MRPL58: variants seen among roughly 807,000 people sequenced by gnomAD.
The protein encoded by MRPL58 is large ribosomal subunit protein mL62.
A neutral mutation model predicts 26.0 loss-of-function variants in MRPL58; 17 were observed. The ratio of observed to expected loss-of-function variants is 0.65; its 90% confidence interval spans 0.45 to 0.98. MRPL58 has a LOEUF of 0.98. MRPL58 is among the 50% of genes least tolerant of loss of function. The pLI, the probability that MRPL58 is intolerant of heterozygous loss-of-function variation, is 0.00. For missense variants in MRPL58, 250 were observed against 269.0 expected, an observed-to-expected ratio of 0.93 and a Z score of 0.49; for synonymous variants, 100 against 99.7, an observed-to-expected ratio of 1.00 and a Z score of -0.02.
rs2040014824 is a variant in MRPL58 at position 75,021,085 on chromosome 17, T to C, written c.*80T>C. On this transcript the variant is annotated 3_prime_UTR_variant, in exon 6 of 6. Transcript: ENST00000301585. ...AGAGGACTTTCACACCATAAGGAGA[T>C]TTCTGTTTTTCTTTTTGGCTGTTAA... The C allele has an allele frequency of 3.4e-6, 3 of 887,280 alleles. No homozygotes were observed. In the Admixed American group the frequency reaches 6.2e-5, roughly 18 times the overall value. The allele number at this position is 887,280 out of a possible 1,614,324, so 55.0% of individuals were successfully genotyped here.
chr17:75,015,543 GAA>G (rs1454011979), intron 1 of MRPL58, among the ~76,000 whole-genome samples: 1 of 152,160 alleles, frequency 6.6e-6, no homozygotes, highest in Non-Finnish European at 1.5e-5. Context: ...TCTAGAGAAA[GAA>G]AGAGGAGAGA....
chr17:75,017,032 AC>A (rs566569755), intron 1 of MRPL58, 45 bp from the exon 2 acceptor site: 2 of 1,489,640 alleles, frequency 1.3e-6, no homozygotes, highest in Non-Finnish European at 9.4e-7. Flanking sequence ...GTTAGGAGTC[AC>A]CCAGCAGGTA....
chr17:75,017,367 A>G (rs2039982043), intron 2 of MRPL58, among the ~76,000 whole-genome samples: 1 of 152,212 alleles, frequency 6.6e-6, no homozygotes, highest in South Asian at 2.1e-4. Flanking sequence ...AATCCCAACA[A>G]TATGGGAGGC....
At chr17:75,019,218 C>T (rs1039656216) in intron 2 of MRPL58, among the ~76,000 whole-genome samples, 1 of 151,840 alleles carries the variant, frequency 6.6e-6, no homozygotes, top group Non-Finnish European at 1.5e-5. Context: ...GAACTGGAGG[C>T]GAAGAGAAGT....
Position 75,012,832 on chromosome 17 carries a change from A to C in MRPL58, c.146A>C (p.Tyr49Ser), listed in dbSNP as rs1228644245. Reference protein sequence around the residue: ...FKSIYSLDKLYPESQGSDTAW... With the variant: ...FKSIYSLDKLSPESQGSDTAW... ...AGCATCTACAGCCTGGACAAGCTCT[A>C]CCCCGAATCTCAGGGCTCGGACACC... The change falls in exon 1 of 6, where the codon TAC becomes TCC. Residue 49 changes from tyrosine (Y) to serine (S), a missense_variant. Transcript: ENST00000301585. 6.2e-7 allele frequency: 1 copy of C among 1,611,990 alleles called. No individual in the cohort carries two copies. The highest frequency in any genetic ancestry group is 1.7e-5 in the Admixed American group (1 of 59,834).
In MRPL58 at chr17:75,012,731, A is replaced by G; in HGVS notation, c.45A>G (p.Gly15=). Residue 15 remains glycine, a synonymous_variant, in exon 1 of 6, where the codon GGA becomes GGG. Coordinates refer to ENST00000301585, the MANE Select transcript of MRPL58 (RefSeq NM_001545.3). The stretch of plus-strand genomic sequence containing the variant: ...TGCGCTGGGGCCTGAGCCGAGCCGG[A>G]GTCTGGCTGCTCCCACCGCCCGCAC... ...RCLRWGLSRA[G]VWLLPPPARC... 6.3e-7 allele frequency: 1 copy of G among 1,581,280 alleles called. No homozygotes were observed. The highest frequency in any genetic ancestry group is 8.6e-7 in the Non-Finnish European group (1 of 1,165,792).
At chr17:75,013,349 C>T (rs9899328) in intron 1 of MRPL58, among the ~76,000 whole-genome samples, 8,413 of 152,150 alleles carry the variant, frequency 0.055, 592 homozygotes, top group African/African-American at 0.17. Context: ...AATCAAGCCC[C>T]GGAGCAAGAG....
At position 75,020,994 on chromosome 17, in the gene MRPL58, G is replaced by T; in HGVS notation, c.610G>T (p.Asp204Tyr). Reference sequence around the variant, plus strand: ...TGCTGTAAAGACAAGCAGGAGGGTCGACATGGACTGAAATCACCCTCTGCA... The same window carrying T: ...TGCTGTAAAGACAAGCAGGAGGGTCTACATGGACTGAAATCACCCTCTGCA... ...HSAVKTSRRVDMD is the reference protein window; with the variant it reads ...HSAVKTSRRVYMD The change falls in exon 6 of 6, where the codon GAC (aspartate) becomes TAC (tyrosine). Residue 204 changes from aspartate to tyrosine, a missense_variant. Transcript: ENST00000301585. 1 of 1,612,530 alleles carries T rather than the reference G, an allele frequency of 6.2e-7. No individual in the cohort carries two copies. Among genetic ancestry groups the T allele is most frequent in the Non-Finnish European group, 8.5e-7 (1 of 1,178,538 alleles).
chr17:75,017,090 C>T lies in MRPL58; in HGVS notation c.199C>T (p.Gln67Ter), dbSNP rs1317444677. 6.2e-7 allele frequency: 1 copy of T among 1,612,918 alleles called. No homozygotes were observed. The highest frequency in any genetic ancestry group is 8.5e-7 in the Non-Finnish European group (1 of 1,178,852). Residue 67 changes from glutamine (Q) to a stop codon, truncating the protein, a stop_gained, in exon 2 of 6, where the codon CAA becomes TAA. Coordinates refer to ENST00000301585, the MANE Select transcript of MRPL58 (RefSeq NM_001545.3). LOFTEE classifies it high-confidence loss of function. ...CATTACATTACAGAATGGTGCAAAGCAAGCCGACAGTGACATCCCTCTAGG... is the reference window on the plus strand; with the variant it reads ...CATTACATTACAGAATGGTGCAAAGTAAGCCGACAGTGACATCCCTCTAGG... ...TAWRVPNGAK[Q>*]ADSDIPLDRL...
chr17:75,020,695 G>T (rs2040010889), intron 5 of MRPL58, 38 bp downstream of exon 5: 1 of 1,600,090 alleles, frequency 6.2e-7, no homozygotes, highest in African/African-American at 1.3e-5. Context: ...AAACTGATTT[G>T]TGTGGACAAG....
intron 1 of MRPL58, among the ~76,000 whole-genome samples, chr17:75,013,287 C>G (rs1223444612): frequency 6.6e-6 from 1 of 152,234 alleles, no homozygotes; most frequent in Non-Finnish European, 1.5e-5. Flanking sequence ...AAAACAGCTT[C>G]TCTGTCGTTC....
chr17:75,017,080 T>C lies in MRPL58; in HGVS notation c.189T>C (p.Asn63=). The C allele has an allele frequency of 6.2e-7, 1 of 1,612,448 alleles. No individual in the cohort carries two copies. The highest frequency in any genetic ancestry group is 8.5e-7 in the Non-Finnish European group (1 of 1,178,434). The change falls in exon 2 of 6, where the codon AAT becomes AAC. Residue 63 remains asparagine (N), a splice_region_variant and synonymous_variant. Coordinates refer to ENST00000301585, the MANE Select transcript of MRPL58 (RefSeq NM_001545.3). ...ACACTGTGTACATTACATTACAGAA[T>C]GGTGCAAAGCAAGCCGACAGTGACA... ...QGSDTAWRVP[N]GAKQADSDIP...
chr17:75,018,233 C>CTTTT (rs11381155), intron 2 of MRPL58, among the ~76,000 whole-genome samples: 5 of 146,862 alleles, frequency 3.4e-5, no homozygotes, highest in Non-Finnish European at 6.0e-5. Context: ...TCTGAAATAT[C>CTTTT]TTTTTTTTTT....
At position 75,020,588 on chromosome 17, in the gene MRPL58, A is replaced by G; in HGVS notation, c.467A>G (p.Asp156Gly). ...NLADCLQKIR[D>G]MITEASQTPK... ...GCAGATTGCCTGCAGAAAATTCGAG[A>G]CATGATCACTGAGGCCAGCCAGACA... Residue 156 changes from aspartate to glycine, a missense_variant, in exon 5 of 6, where the codon GAC becomes GGC. By Grantham distance (94) the Asp-to-Gly change is moderately conservative. Coordinates refer to ENST00000301585, the MANE Select transcript of MRPL58 (RefSeq NM_001545.3). 6.2e-7 allele frequency: 1 copy of G among 1,614,146 alleles called. No homozygotes were observed. Among genetic ancestry groups the G allele is most frequent in the Non-Finnish European group, 8.5e-7 (1 of 1,180,018 alleles).
At position 75,020,490 on chromosome 17, in the gene MRPL58, T is replaced by C. The variant is rs770797896; in HGVS notation, c.369T>C (p.His123=). 13 of 1,613,854 alleles carry C rather than the reference T, an allele frequency of 8.1e-6. No homozygotes were observed. The highest frequency in any genetic ancestry group is 1.7e-5 in the Admixed American group (1 of 59,986). ...AGTTTTTCATTTGTTCTCTGCAGCA[T>C]AAAAACAAGATCAACAGGTTAGGAG... ...EPVRQKIAIT[H]KNKINRLGEL... The change falls in exon 5 of 6, where the codon CAT becomes CAC. Residue 123 remains histidine, a splice_region_variant and synonymous_variant. Transcript: ENST00000301585.
chr17:75,012,850 C>CG lies in MRPL58; in HGVS notation c.166dup (p.Asp56GlyfsTer16). 1 of 1,611,568 alleles carries CG rather than the reference C, an allele frequency of 6.2e-7. No individual in the cohort carries two copies. On this transcript the variant is annotated frameshift_variant, in exon 1 of 6. Transcript: ENST00000301585. LOFTEE classifies it high-confidence loss of function. ...AAGCTCTACCCCGAATCTCAGGGCTCGGACACCGCCTGGAGGGTCCCGGTG... is the reference window on the plus strand; with the variant it reads ...AAGCTCTACCCCGAATCTCAGGGCTCGGGACACCGCCTGGAGGGTCCCGGTG...
chr17:75,012,971 G>T lies in MRPL58; in HGVS notation c.186+99G>T, dbSNP rs563845388. 349 of 1,156,604 alleles carry T rather than the reference G, an allele frequency of 3.0e-4. 5 individuals are homozygous for T. In the South Asian group the frequency reaches 4.8e-3, roughly 16 times the overall value. The allele number at this position is 1,156,604 out of a possible 1,614,324, so 71.6% of individuals were successfully genotyped here. A position where few individuals can be genotyped will look rare whatever the true frequency, so the allele number is the denominator to read the frequency against. On this transcript the variant is annotated intron_variant, in intron 1 of 5. Coordinates refer to ENST00000301585, the MANE Select transcript of MRPL58 (RefSeq NM_001545.3). ...TGGCCGGATGTGGAGCTACGTCGGG[G>T]GGCTACGTGATGGTCGCCGCGGGAG...
intron 2 of MRPL58, 144 bp from the exon 3 acceptor site, chr17:75,019,556 C>T (rs1293269118): frequency 4.2e-6 from 3 of 717,560 alleles, no homozygotes; most frequent in Non-Finnish European, 7.4e-6. Flanking sequence ...ACCGTGGTGC[C>T]ACAGTTCCTT....
chr17:75,014,416 C>G (rs2039958428), intron 1 of MRPL58, among the ~76,000 whole-genome samples: 1 of 135,724 alleles, frequency 7.4e-6, no homozygotes, highest in Admixed American at 7.6e-5. Context: ...TGGTCTTGAT[C>G]ACGGGCGTGA....
Sources: gnomAD v4.1 joint callset for allele counts (sites outside exome capture counted in the v4.1 genomes callset) on GRCh38, gnomAD v4.1.1 for gene constraint, MANE v1.5 for transcripts, NCBI Gene and HGNC (gene_info 2026-07-23, HGNC 2026-07-21) for gene names.